MAP3K13: variants seen among roughly 807,000 people sequenced by gnomAD.
MAP3K13 encodes leucine zipper-bearing kinase.
MAP3K13 carries 52 observed loss-of-function variants against 104.0 expected under a neutral mutation model. The ratio of observed to expected loss-of-function variants is 0.50; its 90% CI spans 0.40 to 0.63. The LOEUF is 0.63. Ranked by LOEUF, MAP3K13 falls within the 20% of genes least tolerant of loss-of-function variation. The pLI, the probability that MAP3K13 is intolerant of heterozygous loss-of-function variation, is 0.00. For synonymous variants in MAP3K13, 394 were observed against 442.2 expected (o/e 0.89, Z 1.37); for missense variants, 914 against 1,218.5 (o/e 0.75, Z 3.72).
intron 2 of MAP3K13, among the ~76,000 whole-genome samples, chr3:185,344,136 T>C (rs1167843896): frequency 6.6e-6 from 1 of 152,140 alleles, no homozygotes; most frequent in East Asian, 1.9e-4. Context: ...GTTGATGGAG[T>C]ATGTCTGTGG....
At chr3:185,458,606 G>C (rs1716907860) in intron 7 of MAP3K13, among the ~76,000 whole-genome samples, 1 of 152,172 alleles carries the variant, frequency 6.6e-6, no homozygotes, top group African/African-American at 2.4e-5. Context: ...CCCCAGTAGG[G>C]AAGACCTGGC....
chr3:185,296,169 AG>A (rs1463986364), intron 2 of MAP3K13, among the ~76,000 whole-genome samples: 2 of 152,170 alleles, frequency 1.3e-5, no homozygotes, highest in African/African-American at 2.4e-5. Context: ...GCTGGAGCCC[AG>A]GAGGTCCAGG....
rs1718615943 is a variant in MAP3K13, at chr3:185,484,217, T to C, written c.*1761T>C. 6.6e-6 allele frequency: 1 copy of C among 152,172 alleles called. No individual in the cohort carries two copies. Among genetic ancestry groups the C allele is most frequent in the African/African-American group, 2.4e-5 (1 of 41,438 alleles). The allele number at this position is 152,172 out of a possible 1,614,324, so 9.4% of individuals were successfully genotyped here. The stretch of plus-strand genomic sequence containing the variant: ...AAGAACAAGGGATGCTGAGCAGGGA[T>C]AGGAAGGATTTTTACATTGCCAAAA... On this transcript the variant is annotated 3_prime_UTR_variant, in exon 14 of 14. Coordinates refer to ENST00000265026, the MANE Select transcript of MAP3K13 (RefSeq NM_004721.5).
chr3:185,477,050 C>T, intron 11 of MAP3K13: 1 of 574,522 alleles, frequency 1.7e-6, no homozygotes, highest in African/African-American at 1.8e-5. Context: ...CACCTCTGGA[C>T]ACTTTAATAG....
chr3:185,411,912 G>C (rs1178008778), intron 1 of MAP3K13, among the ~76,000 whole-genome samples: 2 of 151,320 alleles, frequency 1.3e-5, no homozygotes, highest in Admixed American at 1.3e-4. Flanking sequence ...AGCCTCCCGA[G>C]TAGCTGGGAC....
At chr3:185,345,011 C>T (rs146284414) in intron 2 of MAP3K13, among the ~76,000 whole-genome samples, 78 of 151,954 alleles carry the variant, frequency 5.1e-4, no homozygotes, top group African/African-American at 1.8e-3. Flanking sequence ...TACAGGCATG[C>T]GCCACCATGC....
At chr3:185,481,073 G>A (rs1718422692) in intron 13 of MAP3K13, 1 of 155,962 alleles carries the variant, frequency 6.4e-6, no homozygotes, top group African/African-American at 2.4e-5. Flanking sequence ...CCAGAAATGA[G>A]GGCAGTTTCT....
At chr3:185,399,143 G>A (rs554387135) in intron 1 of MAP3K13, among the ~76,000 whole-genome samples, 3 of 152,234 alleles carry the variant, frequency 2.0e-5, no homozygotes, top group African/African-American at 4.8e-5. Flanking sequence ...ACACTGTTGG[G>A]TTGAGGAAAG....
At chr3:185,355,284 T>C (rs559509229) in intron 2 of MAP3K13, among the ~76,000 whole-genome samples, 56 of 152,128 alleles carry the variant, frequency 3.7e-4, no homozygotes, top group African/African-American at 1.3e-3. Flanking sequence ...CTGGCCAACA[T>C]GGCGAAAACC....
chr3:185,462,564 G>A (rs1283781386), intron 7 of MAP3K13, among the ~76,000 whole-genome samples: 3 of 152,180 alleles, frequency 2.0e-5, no homozygotes, highest in African/African-American at 7.2e-5. Context: ...TTTGAGGTCA[G>A]GAGTTCAAGA....
chr3:185,327,902 A>C (rs1041240477), intron 2 of MAP3K13, among the ~76,000 whole-genome samples: 88 of 148,826 alleles, frequency 5.9e-4, no homozygotes, highest in Non-Finnish European at 4.5e-5. Flanking sequence ...ACAGAGTGAG[A>C]CTCTGTCAGA....
chr3:185,415,744 C>A (rs1382468212), intron 1 of MAP3K13, among the ~76,000 whole-genome samples: 1 of 151,948 alleles, frequency 6.6e-6, no homozygotes, highest in Non-Finnish European at 1.5e-5. Flanking sequence ...CCACCACACC[C>A]AGCTGATTTT....
rs747976514 is a variant in MAP3K13, at chr3:185,465,877, C to T, written c.1505+14C>T. The stretch of plus-strand genomic sequence containing the variant: ...GGAGCTCATTAAGTATGTATCCAGA[C>T]TAGTGTCTGTTCTTACTGATTTGAG... On this transcript the variant is annotated intron_variant, in intron 9 of 13. Coordinates refer to ENST00000265026, the MANE Select transcript of MAP3K13 (RefSeq NM_004721.5). 1 of 1,560,308 alleles carries T rather than the reference C, an allele frequency of 6.4e-7. No homozygotes were observed. The highest frequency in any genetic ancestry group is 1.1e-5 in the South Asian group (1 of 89,942).
chr3:185,411,076 G>A (rs1312852739), intron 1 of MAP3K13, among the ~76,000 whole-genome samples: 1 of 151,946 alleles, frequency 6.6e-6, no homozygotes, highest in Admixed American at 6.6e-5. Flanking sequence ...AGCTATCATC[G>A]GAAGCAAAGT....
At chr3:185,342,276 TGTTAC>T (rs965532188) in intron 2 of MAP3K13, among the ~76,000 whole-genome samples, 1 of 152,174 alleles carries the variant, frequency 6.6e-6, no homozygotes, top group Non-Finnish European at 1.5e-5. Flanking sequence ...TGCTTTGAGT[TGTTAC>T]GTTTTGGGGC....
intron 7 of MAP3K13, among the ~76,000 whole-genome samples, chr3:185,455,391 T>TGAGATATATATGA (rs1409287464): frequency 1.1e-4 from 3 of 27,880 alleles, no homozygotes; most frequent in African/African-American, 3.2e-4. Context: ...GATATATATA[T>TGAGATATATATGA]CATATATGAG....
chr3:185,419,778 G>A (rs1183251558), intron 1 of MAP3K13, among the ~76,000 whole-genome samples: 3 of 152,028 alleles, frequency 2.0e-5, no homozygotes, highest in African/African-American at 7.2e-5. Context: ...TATGGAGATA[G>A]CATTTATGAT....
At chr3:185,446,377 T>C (rs1715595759) in intron 4 of MAP3K13, among the ~76,000 whole-genome samples, 1 of 151,900 alleles carries the variant, frequency 6.6e-6, no homozygotes, top group African/African-American at 2.4e-5. Context: ...TGCCTCAGCC[T>C]CCCGAGTGGC....
chr3:185,308,009 CTTTT>C (rs33949195), intron 2 of MAP3K13, among the ~76,000 whole-genome samples: 39 of 31,574 alleles, frequency 1.2e-3, no homozygotes, highest in Non-Finnish European at 1.9e-3. Context: ...TCTTTGGGGT[CTTTT>C]TTTTTTTTTT....
Sources: allele counts gnomAD v4.1 joint callset (sites outside exome capture counted in the v4.1 genomes callset), GRCh38; gene constraint gnomAD v4.1.1; transcripts MANE v1.5; gene names NCBI Gene and HGNC (gene_info 2026-07-23, HGNC 2026-07-21).